TOX2: variants seen among roughly 807,000 people sequenced by gnomAD.
TOX2 encodes TOX high mobility group box family member 2, also known as granulosa cell HMG box 1.
A neutral mutation model predicts 47.4 loss-of-function variants in TOX2; 15 were observed. The observed-to-expected ratio is 0.32, with a 90% CI of 0.21 to 0.49. TOX2 has a LOEUF of 0.49. TOX2 is among the 20% of genes least tolerant of loss of function. The pLI, the probability that TOX2 is intolerant of heterozygous loss-of-function variation, is 0.99. For synonymous variants in TOX2, 290 were observed against 296.6 expected, an observed-to-expected ratio of 0.98 and a Z score of 0.23; for missense variants, 622 against 673.1, an observed-to-expected ratio of 0.92 and a Z score of 0.84.
chr20:43,982,280 G>T (rs2070182244), intron 2 of TOX2, among the ~76,000 whole-genome samples: 1 of 152,158 alleles, frequency 6.6e-6, no homozygotes, highest in African/African-American at 2.4e-5. Context: ...TGGGGTATTT[G>T]CTGTGGGGCA....
intron 1 of TOX2, chr20:43,945,910 A>G: frequency 6.2e-7 from 1 of 1,612,460 alleles, no homozygotes; most frequent in Non-Finnish European, 8.5e-7. Context: ...TTCTCTGCTG[A>G]TTATGCAGCA....
chr20:44,062,972 C>T (rs2071746517), intron 5 of TOX2, among the ~76,000 whole-genome samples: 1 of 152,138 alleles, frequency 6.6e-6, no homozygotes, highest in African/African-American at 2.4e-5. Flanking sequence ...CATCTCTCAC[C>T]TTATACAAAA....
At chr20:43,982,817 G>C (rs925627789) in intron 2 of TOX2, among the ~76,000 whole-genome samples, 1 of 147,904 alleles carries the variant, frequency 6.8e-6, no homozygotes, top group African/African-American at 2.5e-5. Context: ...GGGTCTGAAT[G>C]GATGGGGCAG....
intron 1 of TOX2, chr20:43,955,410 T>G: frequency 1.6e-6 from 1 of 634,644 alleles, no homozygotes; most frequent in Non-Finnish European, 2.0e-6. Context: ...CTTAGCCACC[T>G]GGGGTTATGT....
intron 2 of TOX2, 76 bp from the exon 3 acceptor site, chr20:44,006,470 CT>C: frequency 6.6e-7 from 1 of 1,526,442 alleles, no homozygotes. Flanking sequence ...ATTATTGTTG[CT>C]GTTATTGGTG....
intron 1 of TOX2, among the ~76,000 whole-genome samples, chr20:43,922,246 C>T (rs1464397994): frequency 6.6e-6 from 1 of 152,182 alleles, no homozygotes; most frequent in African/African-American, 2.4e-5. Flanking sequence ...GACCTAATAA[C>T]ATTGTTGTGG....
At chr20:44,015,946 G>A (rs978975327) in intron 3 of TOX2, among the ~76,000 whole-genome samples, 3 of 152,082 alleles carry the variant, frequency 2.0e-5, no homozygotes, top group African/African-American at 7.2e-5. Flanking sequence ...AAGCTAACAC[G>A]CAGGCTGGTT....
intron 6 of TOX2, 94 bp from the exon 7 acceptor site, chr20:44,065,618 G>T (rs372992824): frequency 1.4e-6 from 2 of 1,421,522 alleles, no homozygotes; most frequent in Non-Finnish European, 9.5e-7. Flanking sequence ...GCCAGCAGCC[G>T]TGTCAGTGGG....
intron 3 of TOX2, among the ~76,000 whole-genome samples, chr20:44,034,149 C>T (rs925663377): frequency 6.6e-6 from 1 of 152,290 alleles, no homozygotes; most frequent in Non-Finnish European, 1.5e-5. Flanking sequence ...CGCACTGGCC[C>T]ATGCCTCAGT....
intron 2 of TOX2, among the ~76,000 whole-genome samples, chr20:43,973,796 T>A (rs2070022290): frequency 6.6e-6 from 1 of 152,162 alleles, no homozygotes; most frequent in African/African-American, 2.4e-5. Flanking sequence ...CGGGGACATG[T>A]TCTGGTTTGG....
At chr20:43,947,402 G>C (rs1234449734) in intron 1 of TOX2, among the ~76,000 whole-genome samples, 1 of 152,244 alleles carries the variant, frequency 6.6e-6, no homozygotes, top group Non-Finnish European at 1.5e-5. Flanking sequence ...CTGGTGTGTG[G>C]AAGGACCTCA....
At chr20:44,005,049 T>C (rs955620824) in intron 2 of TOX2, among the ~76,000 whole-genome samples, 2 of 152,358 alleles carry the variant, frequency 1.3e-5, no homozygotes, top group Admixed American at 6.5e-5. Flanking sequence ...TATCAAAACA[T>C]CACTGTGTAC....
At chr20:44,019,106 G>T (rs2145643665) in intron 3 of TOX2, among the ~76,000 whole-genome samples, 1 of 152,164 alleles carries the variant, frequency 6.6e-6, no homozygotes, top group East Asian at 1.9e-4. Context: ...CTGACTGACT[G>T]ACTGAAAAAT....
At chr20:44,048,414 G>GATATATATATATATATATA (rs2071452436) in intron 3 of TOX2, among the ~76,000 whole-genome samples, 1 of 118,374 alleles carries the variant, frequency 8.4e-6, no homozygotes, top group Non-Finnish European at 1.7e-5. Context: ...ATATATATAT[G>GATATATATATATATATATA]TATAATTTAC....
At chr20:44,049,662 G>A (rs1228610718) in intron 3 of TOX2, among the ~76,000 whole-genome samples, 2 of 151,952 alleles carry the variant, frequency 1.3e-5, no homozygotes, top group South Asian at 2.1e-4. Context: ...CCCCCTCAAC[G>A]CGCCCCAGTG....
intron 3 of TOX2, among the ~76,000 whole-genome samples, chr20:44,048,388 T>TTATATAATATATATATATATATATATATA (rs2071448837): frequency 1.2e-5 from 1 of 86,872 alleles, no homozygotes; most frequent in African/African-American, 4.5e-5. Flanking sequence ...TAAAATGAAT[T>TTATATAATATATATATATATATATATATA]TATATATATA....
intron 1 of TOX2, among the ~76,000 whole-genome samples, chr20:43,968,127 A>G (rs895413570): frequency 2.6e-5 from 4 of 152,056 alleles, no homozygotes; most frequent in Admixed American, 1.3e-4. Context: ...TCCATCACCC[A>G]TCTATCAATC....
At chr20:44,039,185 A>G in intron 3 of TOX2, 1 of 1,275,460 alleles carries the variant, frequency 7.8e-7, no homozygotes. Flanking sequence ...AGGCCAGAGG[A>G]TGGAGCAGGA....
chr20:44,044,531 C>T (rs1207345648), intron 3 of TOX2, among the ~76,000 whole-genome samples: 1 of 151,974 alleles, frequency 6.6e-6, no homozygotes, highest in East Asian at 1.9e-4. Context: ...CCCTACCGGA[C>T]AAAATTTCTT....
Sources: gnomAD v4.1 joint callset for allele counts (sites outside exome capture counted in the v4.1 genomes callset) on GRCh38, gnomAD v4.1.1 for gene constraint, MANE v1.5 for transcripts, NCBI Gene and HGNC (gene_info 2026-07-23, HGNC 2026-07-21) for gene names.